The following MECOM variants were observed in gnomAD, a reference collection of about 807,000 sequenced individuals.
MECOM encodes histone-lysine N-methyltransferase MECOM.
A neutral mutation model predicts 116.3 loss-of-function variants in MECOM; 13 were observed. The ratio of observed to expected loss-of-function variants is 0.11; its 90% confidence interval spans 0.07 to 0.18. The LOEUF (loss-of-function observed/expected upper bound fraction) is 0.18, where lower values mean the gene tolerates loss of function less well. MECOM is among the 10% of genes least tolerant of loss of function. The pLI, the probability that MECOM is intolerant of heterozygous loss-of-function variation, is 1.00. For synonymous variants in MECOM, 528 were observed against 535.2 expected, an observed-to-expected ratio of 0.99 and a Z score of 0.19; for missense variants, 1,299 against 1,509.0, an observed-to-expected ratio of 0.86 and a Z score of 2.31.
At chr3:169,162,060 A>G (rs567134436) in intron 2 of MECOM, among the ~76,000 whole-genome samples, 82 of 152,316 alleles carry the variant, frequency 5.4e-4, no homozygotes, top group African/African-American at 1.9e-3. Flanking sequence ...GTTGTTTTCA[A>G]CCATTAAGTT....
chr3:169,386,415 C>T (rs1469503028), intron 1 of MECOM, among the ~76,000 whole-genome samples: 2 of 152,132 alleles, frequency 1.3e-5, no homozygotes, highest in African/African-American at 4.8e-5. Context: ...CTCCCTTTAA[C>T]TCTTAGGCAA....
intron 1 of MECOM, among the ~76,000 whole-genome samples, chr3:169,430,309 C>T: frequency 6.6e-6 from 1 of 152,134 alleles, no homozygotes; most frequent in East Asian, 1.9e-4. Flanking sequence ...AATGTAACCA[C>T]ACTCTATATT....
At chr3:169,651,622 A>G (rs567454257) in intron 1 of MECOM, among the ~76,000 whole-genome samples, 3 of 152,244 alleles carry the variant, frequency 2.0e-5, no homozygotes, top group South Asian at 2.1e-4. Flanking sequence ...GAATGATACA[A>G]TGGACTTGGG....
intron 3 of MECOM, chr3:169,134,053 G>T: frequency 2.6e-6 from 2 of 754,724 alleles, no homozygotes; most frequent in Admixed American, 2.6e-5. Context: ...CTACAAGACA[G>T]TAAAACAGTG....
intron 1 of MECOM, among the ~76,000 whole-genome samples, chr3:169,649,930 T>C (rs1023470602): frequency 2.6e-5 from 4 of 152,252 alleles, no homozygotes; most frequent in African/African-American, 4.8e-5. Flanking sequence ...GCAAAATAGT[T>C]CTTGCCAGTA....
intron 2 of MECOM, chr3:169,145,872 A>C (rs1739747288): frequency 4.7e-6 from 1 of 214,418 alleles, no homozygotes; most frequent in Non-Finnish European, 9.4e-6. Context: ...CTTTTTACTA[A>C]TCTGTTATAC....
chr3:169,551,372 TTA>T (rs1761384288), intron 1 of MECOM, among the ~76,000 whole-genome samples: 2 of 149,364 alleles, frequency 1.3e-5, no homozygotes, highest in African/African-American at 2.5e-5. Context: ...TATCTACACT[TTA>T]AAAAAAAAAA....
At chr3:169,107,863 A>T in intron 10 of MECOM, 63 bp downstream of exon 10, 2 of 1,359,416 alleles carry the variant, frequency 1.5e-6, no homozygotes, top group Non-Finnish European at 1.0e-6. Flanking sequence ...GCAATTTAGA[A>T]TGTAAGCTGT....
At chr3:169,518,776 C>A (rs952876236) in intron 1 of MECOM, among the ~76,000 whole-genome samples, 1 of 152,242 alleles carries the variant, frequency 6.6e-6, no homozygotes, top group South Asian at 2.1e-4. Flanking sequence ...ATTATGGAGA[C>A]AGGTCTTTTC....
intron 1 of MECOM, among the ~76,000 whole-genome samples, chr3:169,632,198 T>C (rs1376519419): frequency 7.9e-6 from 1 of 126,496 alleles, no homozygotes; most frequent in Admixed American, 8.3e-5. Flanking sequence ...GAAATATATA[T>C]ATATATATAT....
intron 12 of MECOM, among the ~76,000 whole-genome samples, chr3:169,096,172 T>C (rs1214068391): frequency 6.6e-6 from 1 of 152,174 alleles, no homozygotes; most frequent in East Asian, 1.9e-4. Context: ...TATTGTCCTC[T>C]GTCATTTTAA....
rs971302459 is a variant in MECOM at position 169,619,030 on chromosome 3, A to AG, written c.37+44305dup. Among the ~76,000 whole-genome samples, 11 of 152,168 alleles carry AG rather than the reference A, an allele frequency of 7.2e-5. 1 individual carries two copies. Among genetic ancestry groups the AG allele is most frequent in the African/African-American group, 2.4e-4 (10 of 41,512 alleles). ...ATCTAAACATTTAAAAAAAAAAAAAAGTCCACTCTTTTCTACTAAAGAGAA... is the reference window on the plus strand; with the variant it reads ...ATCTAAACATTTAAAAAAAAAAAAAAGGTCCACTCTTTTCTACTAAAGAGAA... On this transcript the variant is annotated intron_variant, in intron 1 of 16. Coordinates refer to ENST00000651503, the MANE Select transcript of MECOM (RefSeq NM_004991.4).
chr3:169,348,303 T>G (rs1167081040), intron 2 of MECOM, among the ~76,000 whole-genome samples: 1 of 151,990 alleles, frequency 6.6e-6, no homozygotes, highest in Non-Finnish European at 1.5e-5. Context: ...GGGTGTGGAG[T>G]GTGAAAAACA....
At chr3:169,324,278 C>T (rs1161224904) in intron 2 of MECOM, among the ~76,000 whole-genome samples, 2 of 152,150 alleles carry the variant, frequency 1.3e-5, no homozygotes, top group African/African-American at 4.8e-5. Context: ...AGCACACTCT[C>T]GTGTAGTGAC....
At position 169,115,369 on chromosome 3, in the gene MECOM, C is replaced by T. The variant is rs781738660; in HGVS notation, c.2489+14G>A. The T allele has an allele frequency of 5.0e-6, 8 of 1,609,154 alleles. No homozygotes were observed. The East Asian group carries it at 1.6e-4, about 31-fold the overall frequency. ...ACATCTGCTCATATTTCGTCATCTT[C>T]CATACACGCTTACCTGTAAATAGGG... On this transcript the variant is annotated intron_variant, in intron 8 of 16. Transcript: ENST00000651503.
intron 1 of MECOM, among the ~76,000 whole-genome samples, chr3:169,501,635 C>A (rs1242303750): frequency 1.3e-5 from 2 of 152,048 alleles, no homozygotes; most frequent in East Asian, 3.9e-4. Context: ...ATAAAACATT[C>A]TTTCCTATGC....
chr3:169,583,094 T>C (rs1469579270), intron 1 of MECOM, among the ~76,000 whole-genome samples: 1 of 152,226 alleles, frequency 6.6e-6, no homozygotes, highest in Non-Finnish European at 1.5e-5. Flanking sequence ...TGGGAAATTG[T>C]CTTAATCTCA....
intron 1 of MECOM, among the ~76,000 whole-genome samples, chr3:169,649,755 G>C (rs371397310): frequency 6.6e-6 from 1 of 152,198 alleles, no homozygotes; most frequent in African/African-American, 2.4e-5. Flanking sequence ...AAAAAAGTAC[G>C]CATTTGAAAC....
intron 1 of MECOM, among the ~76,000 whole-genome samples, chr3:169,561,754 G>A (rs963283781): frequency 6.6e-6 from 1 of 152,100 alleles, no homozygotes; most frequent in East Asian, 1.9e-4. Context: ...ATTAGCAAAG[G>A]ATTATTAAAG....
Sources: allele counts gnomAD v4.1 joint callset (sites outside exome capture counted in the v4.1 genomes callset), GRCh38; gene constraint gnomAD v4.1.1; transcripts MANE v1.5; gene names NCBI Gene and HGNC (gene_info 2026-07-23, HGNC 2026-07-21).